Variants in PLEKHG1 observed in about 807,000 individuals in gnomAD.
PLEKHG1 encodes the protein pleckstrin homology and RhoGEF domain containing G1.
A neutral mutation model predicts 100.8 loss-of-function variants in PLEKHG1; 44 were observed. The ratio of observed to expected loss-of-function variants is 0.44; its 90% confidence interval spans 0.34 to 0.56. The LOEUF (loss-of-function observed/expected upper bound fraction) is 0.56, where lower values mean the gene tolerates loss of function less well. PLEKHG1 is among the 20% of genes least tolerant of loss of function. PLEKHG1 has a pLI of 0.01. For synonymous variants in PLEKHG1, 640 were observed against 662.5 expected, an observed-to-expected ratio of 0.97 and a Z score of 0.52; for missense variants, 1,545 against 1,720.9, an observed-to-expected ratio of 0.90 and a Z score of 1.81.
intron 7 of PLEKHG1, among the ~76,000 whole-genome samples, chr6:150,805,773 T>A (rs1348776604): frequency 6.6e-6 from 1 of 152,122 alleles, no homozygotes; most frequent in Non-Finnish European, 1.5e-5. Context: ...GTGATCCACC[T>A]GCCTCAGCCT....
At position 150,831,540 on chromosome 6, in the gene PLEKHG1, G is replaced by C; in HGVS notation, c.2429G>C (p.Ser810Thr). The change falls in exon 15 of 16, where the codon AGT becomes ACT. Residue 810 changes from serine (S) to threonine (T), a missense_variant. By Grantham distance (58) the Ser-to-Thr change is moderately conservative. Transcript: ENST00000358517. This position sits in a 1 kb window ranked among gnomAD's most constrained non-coding sequence, Gnocchi z 4.1. ...GCCACTCCCGATCATGGTTATCTGA[G>C]TTTGCTGTATGACTCTCCCAGTGGT... 1 of 1,614,184 alleles carries C rather than the reference G, an allele frequency of 6.2e-7. No individual in the cohort carries two copies. Among genetic ancestry groups the C allele is most frequent in the Non-Finnish European group, 8.5e-7 (1 of 1,180,030 alleles).
chr6:150,731,054 C>T (rs559879843), intron 1 of PLEKHG1, among the ~76,000 whole-genome samples: 1 of 152,070 alleles, frequency 6.6e-6, no homozygotes, highest in South Asian at 2.1e-4. Context: ...ATGGAGGGTG[C>T]GAATGGAAAG....
intron 3 of PLEKHG1, among the ~76,000 whole-genome samples, chr6:150,697,108 A>AGAAGAAG (rs1554260992): frequency 2.0e-5 from 3 of 147,230 alleles, no homozygotes; most frequent in Non-Finnish European, 3.0e-5. Context: ...AGAAAAAAAA[A>AGAAGAAG]AAGAAGAAGA....
rs552625771 is a variant in PLEKHG1 at position 150,710,399 on chromosome 6, C to T, written c.-98-23185C>T. ...ATCTGATAATACCCAGATGGAAATG[C>T]CGGGCAGGGAAGTTTACATTGTGAT... On this transcript the variant is annotated intron_variant, in intron 3 of 3. Transcript: ENST00000367326. 3.3e-5 allele frequency among the ~76,000 whole-genome samples: 5 copies of T among 152,246 alleles called. No homozygotes were observed. In the East Asian group the frequency reaches 7.7e-4, roughly 24 times the overall value.
intron 3 of PLEKHG1, among the ~76,000 whole-genome samples, chr6:150,689,785 G>T (rs1329082491): frequency 6.6e-6 from 1 of 151,578 alleles, no homozygotes; most frequent in Non-Finnish European, 1.5e-5. Context: ...AACCCGGGAG[G>T]CAGAGGTTGC....
upstream of PLEKHG1, among the ~76,000 whole-genome samples, chr6:150,719,725 CAG>C (rs980779333): frequency 2.0e-5 from 3 of 152,160 alleles, no homozygotes; most frequent in African/African-American, 4.8e-5. Context: ...TGGGAAGCCA[CAG>C]GGGTTGCTGT....
Position 150,832,208 on chromosome 6 carries a change from A to T in PLEKHG1, c.3094+3A>T, listed in dbSNP as rs1397299277. 1 of 1,571,486 alleles carries T rather than the reference A, an allele frequency of 6.4e-7. No individual in the cohort carries two copies. Among genetic ancestry groups the T allele is most frequent in the African/African-American group, 1.4e-5 (1 of 73,240 alleles). On this transcript the variant is annotated splice_donor_region_variant and intron_variant, in intron 15 of 15. Transcript: ENST00000358517. ...GAAGCAAGGAGGGCCCGCCATTGGT[A>T]TGTGCACCCTGCCCTTCTTCCTTCT...
intron 3 of PLEKHG1, among the ~76,000 whole-genome samples, chr6:150,674,258 C>T (rs182114431): frequency 6.6e-6 from 1 of 150,756 alleles, no homozygotes; most frequent in African/African-American, 2.4e-5. Flanking sequence ...TATGCATGAC[C>T]CAGTTTAGGA....
At chr6:150,804,104 A>C (rs1311830400) in intron 6 of PLEKHG1, among the ~76,000 whole-genome samples, 1 of 134,406 alleles carries the variant, frequency 7.4e-6, no homozygotes, top group African/African-American at 2.8e-5. Context: ...ATTTTGTTGC[A>C]GGTATCTCTG....
chr6:150,618,727 C>A (rs1232650924), intron 1 of PLEKHG1, among the ~76,000 whole-genome samples: 1 of 152,048 alleles, frequency 6.6e-6, no homozygotes, highest in Non-Finnish European at 1.5e-5. Flanking sequence ...ACCTGGCTTA[C>A]AAAATTTCTG....
At chr6:150,824,144 G>T (rs143872855) in intron 14 of PLEKHG1, among the ~76,000 whole-genome samples, 3 of 152,210 alleles carry the variant, frequency 2.0e-5, no homozygotes, top group Non-Finnish European at 4.4e-5. Flanking sequence ...AGGTGATGGC[G>T]TATGATCGAA....
chr6:150,641,062 C>G (rs1017292846), intron 2 of PLEKHG1, among the ~76,000 whole-genome samples: 1 of 152,030 alleles, frequency 6.6e-6, no homozygotes, highest in Admixed American at 6.5e-5. Context: ...GCCCTTTGAT[C>G]TGGGCTTAAC....
At chr6:150,750,655 C>T (rs1045511764) in intron 2 of PLEKHG1, among the ~76,000 whole-genome samples, 3 of 149,240 alleles carry the variant, frequency 2.0e-5, no homozygotes, top group South Asian at 4.3e-4. Flanking sequence ...GTGGCGGGCG[C>T]CTGTAGTCCC....
At chr6:150,767,172 G>A (rs1322849386) in intron 2 of PLEKHG1, among the ~76,000 whole-genome samples, 1 of 152,110 alleles carries the variant, frequency 6.6e-6, no homozygotes, top group Non-Finnish European at 1.5e-5. Context: ...TGTTCAAAAT[G>A]TACCATTCTT....
At chr6:150,677,510 G>C (rs1285552684) in intron 3 of PLEKHG1, among the ~76,000 whole-genome samples, 1 of 152,010 alleles carries the variant, frequency 6.6e-6, no homozygotes, top group Non-Finnish European at 1.5e-5. Context: ...TCCCTTCTAG[G>C]GACATCTTTA....
intron 3 of PLEKHG1, among the ~76,000 whole-genome samples, chr6:150,783,246 A>C (rs573694221): frequency 1.4e-4 from 22 of 151,744 alleles, no homozygotes; most frequent in African/African-American, 5.1e-4. Flanking sequence ...AGGAAGATAG[A>C]GAGTAGAAGA....
intron 1 of PLEKHG1, among the ~76,000 whole-genome samples, chr6:150,621,395 G>A (rs13213337): frequency 0.27 from 39,651 of 146,490 alleles, 5,428 homozygotes; most frequent in South Asian, 0.36. Context: ...TTTTTTTTGA[G>A]ATGGAGTCTC....
At position 150,644,143 on chromosome 6, in the gene PLEKHG1, C is replaced by G. The variant is rs534771290; in HGVS notation, c.-158+6018C>G. The stretch of plus-strand genomic sequence containing the variant: ...GTGATTTGTTGAGTTGACATTCTCT[C>G]CCTTCCTACTTTGGTCAGCCAGTTT... On this transcript the variant is annotated intron_variant, in intron 2 of 3. Transcript: ENST00000367326. 5.3e-5 allele frequency among the ~76,000 whole-genome samples: 8 copies of G among 152,134 alleles called. No homozygotes were observed. The East Asian group carries it at 1.4e-3, about 26-fold the overall frequency.
At chr6:150,721,080 AC>A (rs949989918), upstream of PLEKHG1, 66 of 873,678 alleles carry the variant, frequency 7.6e-5, 1 homozygote, top group Non-Finnish European at 1.4e-6. Flanking sequence ...ATAAAAGCTG[AC>A]TCATGCAATA....
Sources: allele counts gnomAD v4.1 joint callset (sites outside exome capture counted in the v4.1 genomes callset), GRCh38; gene constraint gnomAD v4.1.1; non-coding constraint Gnocchi (gnomAD v3.1); transcripts MANE v1.5; gene names NCBI Gene and HGNC (gene_info 2026-07-23, HGNC 2026-07-21).